NOTCH2NLC: variants seen among roughly 807,000 people sequenced by gnomAD.
NOTCH2NLC encodes notch 2 N-terminal like C, also known as notch homolog 2 N-terminal-like protein C.
Under a neutral mutation model 17.7 loss-of-function variants are expected in NOTCH2NLC, and 4 were observed. The observed-to-expected ratio is 0.23, with a 90% confidence interval of 0.11 to 0.52. The LOEUF is 0.52. Among genes scored for constraint, NOTCH2NLC ranks in the 20% least tolerant of loss-of-function variants. The pLI is 0.96. For missense variants in NOTCH2NLC, 57 were observed against 207.2 expected (o/e 0.28, Z 4.45); for synonymous variants, 18 against 86.0 (o/e 0.21, Z 4.38).
At chr1:149,392,908 A>G (rs2084181068) in intron 1 of NOTCH2NLC, among the ~76,000 whole-genome samples, 1 of 149,994 alleles carries the variant, frequency 6.7e-6, no homozygotes, top group Non-Finnish European at 1.5e-5. Context: ...CGTCTCTACT[A>G]AAAATACAAA....
chr1:149,412,131 C>CAA (rs1174642398), intron 1 of NOTCH2NLC, among the ~76,000 whole-genome samples: 246 of 114,004 alleles, frequency 2.2e-3, no homozygotes, highest in African/African-American at 8.8e-3. Context: ...AAAAAAAAAA[C>CAA]AAAAAAAAAA....
chr1:149,460,910 T>C (rs1224821733), intron 3 of NOTCH2NLC, among the ~76,000 whole-genome samples: 1 of 134,172 alleles, frequency 7.5e-6, no homozygotes, highest in Non-Finnish European at 1.6e-5. Context: ...TTTCTTTCTT[T>C]CTTTCTCTCT....
At chr1:149,428,593 T>C (rs1389929709) in intron 1 of NOTCH2NLC, among the ~76,000 whole-genome samples, 3 of 151,124 alleles carry the variant, frequency 2.0e-5, no homozygotes, top group African/African-American at 7.3e-5. Flanking sequence ...TGGGTCACTA[T>C]GTACTCCAGG....
In NOTCH2NLC at chr1:149,463,041, G is replaced by C. The variant is rs2084659393; in HGVS notation, c.470-450G>C. Among the ~76,000 whole-genome samples the C allele has an allele frequency of 4.0e-5, 6 of 148,732 alleles. No homozygotes were observed. The South Asian group carries it at 1.1e-3, about 27-fold the overall frequency. On this transcript the variant is annotated intron_variant, in intron 3 of 4. Coordinates refer to ENST00000650865, the MANE Select transcript of NOTCH2NLC (RefSeq NM_001364013.2). ...AGTAGAGACAGGGTTTCACCATATTGGCCGGGCTGGTCTTGAACTCCTTAC... is the reference window on the plus strand; with the variant it reads ...AGTAGAGACAGGGTTTCACCATATTCGCCGGGCTGGTCTTGAACTCCTTAC...
chr1:149,462,905 G>A (rs1397477592), intron 3 of NOTCH2NLC, among the ~76,000 whole-genome samples: 11 of 135,346 alleles, frequency 8.1e-5, no homozygotes, highest in East Asian at 2.2e-4. Flanking sequence ...GTACAATCTC[G>A]GCTCACTGCA....
chr1:149,424,227 G>C (rs2084398360), intron 1 of NOTCH2NLC, among the ~76,000 whole-genome samples: 2 of 151,414 alleles, frequency 1.3e-5, no homozygotes, highest in African/African-American at 4.8e-5. Context: ...ATAAATAAAA[G>C]AGCCTTGTCT....
At chr1:149,461,981 G>A (rs1478126310) in intron 3 of NOTCH2NLC, among the ~76,000 whole-genome samples, 14 of 134,202 alleles carry the variant, frequency 1.0e-4, no homozygotes, top group South Asian at 5.3e-4. Flanking sequence ...GGGGCCTGTC[G>A]TGGGGTGGTG....
rs1441097008 is a variant in NOTCH2NLC at position 149,417,331 on chromosome 1, A to G, written c.136-13611A>G. ...CACCGTGTTAGCCAGGATGGTCTCGATCTCCTGACCTCGTGATCCGCCTGC... is the reference window on the plus strand; with the variant it reads ...CACCGTGTTAGCCAGGATGGTCTCGGTCTCCTGACCTCGTGATCCGCCTGC... On this transcript the variant is annotated intron_variant, in intron 1 of 4. Transcript: ENST00000650865. Among the ~76,000 whole-genome samples, 11 of 150,510 alleles carry G rather than the reference A, an allele frequency of 7.3e-5. 1 individual carries two copies. Among genetic ancestry groups the G allele is most frequent in the Non-Finnish European group, 1.2e-4 (8 of 67,402 alleles).
intron 1 of NOTCH2NLC, among the ~76,000 whole-genome samples, chr1:149,413,508 G>A (rs1417885116): frequency 6.6e-6 from 1 of 151,272 alleles, no homozygotes; most frequent in Non-Finnish European, 1.5e-5. Flanking sequence ...GTGCCAAGCT[G>A]TAAGCATGTT....
At chr1:149,428,604 T>G (rs2084425277) in intron 1 of NOTCH2NLC, among the ~76,000 whole-genome samples, 1 of 150,898 alleles carries the variant, frequency 6.6e-6, no homozygotes, top group South Asian at 2.1e-4. Flanking sequence ...GTACTCCAGG[T>G]TTCTTCAGGC....
chr1:149,425,046 G>C (rs1455488429), intron 1 of NOTCH2NLC, among the ~76,000 whole-genome samples: 1 of 151,264 alleles, frequency 6.6e-6, no homozygotes, highest in Admixed American at 6.6e-5. Flanking sequence ...ACTGTATCAA[G>C]CACAAAGAAG....
At chr1:149,462,156 A>T (rs2084654225) in intron 3 of NOTCH2NLC, among the ~76,000 whole-genome samples, 1 of 149,882 alleles carries the variant, frequency 6.7e-6, no homozygotes, top group East Asian at 2.0e-4. Flanking sequence ...TAATTCAAGG[A>T]GTTCTCATCT....
chr1:149,448,757 TAA>T (rs2084570692), intron 2 of NOTCH2NLC, among the ~76,000 whole-genome samples: 1 of 147,156 alleles, frequency 6.8e-6, no homozygotes, highest in Admixed American at 6.8e-5. Flanking sequence ...CCTCACTTTT[TAA>T]AGAGGTTTTT....
chr1:149,416,802 A>G (rs1185969701), intron 1 of NOTCH2NLC, among the ~76,000 whole-genome samples: 4 of 148,118 alleles, frequency 2.7e-5, no homozygotes, highest in African/African-American at 9.9e-5. Context: ...AGTTTTCAAA[A>G]GTGGGGTTCT....
intron 2 of NOTCH2NLC, among the ~76,000 whole-genome samples, chr1:149,450,278 A>G (rs2084583990): frequency 7.3e-6 from 1 of 136,208 alleles, no homozygotes; most frequent in Non-Finnish European, 1.6e-5. Context: ...TGTGCTGGAT[A>G]GTGTTCTAAG....
intron 1 of NOTCH2NLC, among the ~76,000 whole-genome samples, chr1:149,412,137 A>C (rs1483105988): frequency 4.1e-5 from 6 of 147,888 alleles, no homozygotes; most frequent in African/African-American, 9.9e-5. Context: ...AAAACAAAAA[A>C]AAAACAAAAA....
intron 1 of NOTCH2NLC, among the ~76,000 whole-genome samples, chr1:149,417,142 C>A (rs1212802509): frequency 8.6e-6 from 1 of 115,676 alleles, no homozygotes; most frequent in East Asian, 2.8e-4. Flanking sequence ...CAGAGTCTCG[C>A]TCTTTCGCCC....
rs2084645200 is a variant in NOTCH2NLC at position 149,460,907 on chromosome 1, CTT to C, written c.470-2582_470-2581del. Among the ~76,000 whole-genome samples the C allele has an allele frequency of 9.3e-5, 11 of 118,766 alleles. 2 individuals are homozygous for C. In the South Asian group the frequency reaches 1.1e-3, roughly 12 times the overall value. 77.9% of individuals were successfully genotyped at this position (118,766 alleles called of 152,430 possible). A position where few individuals can be genotyped will look rare whatever the true frequency, so the allele number is the denominator to read the frequency against. ...TCTTTCTTTCTTTCTTTCTTTCTTTCTTTCTTTCTCTCTCTTTCTCTCTTTCT... is the reference window on the plus strand; with the variant it reads ...TCTTTCTTTCTTTCTTTCTTTCTTTCTCTTTCTCTCTCTTTCTCTCTTTCT... On this transcript the variant is annotated intron_variant, in intron 3 of 4. Transcript: ENST00000650865.
At chr1:149,419,019 C>T (rs1424664700) in intron 1 of NOTCH2NLC, among the ~76,000 whole-genome samples, 40 of 148,754 alleles carry the variant, frequency 2.7e-4, no homozygotes, top group African/African-American at 8.4e-4. Flanking sequence ...TCTCTCTTTC[C>T]CTTTCCCTTC....
Sources: gnomAD v4.1 joint callset for allele counts (sites outside exome capture counted in the v4.1 genomes callset) on GRCh38, gnomAD v4.1.1 for gene constraint, MANE v1.5 for transcripts, NCBI Gene and HGNC (gene_info 2026-07-23, HGNC 2026-07-21) for gene names.